The following TLE4 variants were observed in gnomAD, a reference collection of about 807,000 sequenced individuals.
The protein encoded by TLE4 is transducin-like enhancer protein 4.
Under a neutral mutation model 92.8 loss-of-function variants are expected in TLE4, and 8 were observed. That is an observed-to-expected ratio of 0.09 (90% confidence interval 0.05 to 0.16). The LOEUF (loss-of-function observed/expected upper bound fraction) is 0.16. Ranked by LOEUF, TLE4 falls within the 10% of genes least tolerant of loss-of-function variation. The pLI is 1.00. For synonymous variants in TLE4, 371 were observed against 374.1 expected, an observed-to-expected ratio of 0.99 and a Z score of 0.10; for missense variants, 675 against 997.6, an observed-to-expected ratio of 0.68 and a Z score of 4.36.
At chr9:79,648,934 G>A (rs1184478122) in intron 6 of TLE4, among the ~76,000 whole-genome samples, 2 of 152,254 alleles carry the variant, frequency 1.3e-5, no homozygotes, top group African/African-American at 2.4e-5. Flanking sequence ...GAGGAGCAAA[G>A]GAGCTAAAGG....
At chr9:79,573,812 C>T (rs2036738141) in intron 2 of TLE4, 26 bp downstream of exon 2, 2 of 1,495,462 alleles carry the variant, frequency 1.3e-6, no homozygotes, top group African/African-American at 1.4e-5. Flanking sequence ...TTAGCTGATC[C>T]TTCTGTTTGC....
chr9:79,664,155 G>A lies in TLE4; in HGVS notation c.609+10080G>A, dbSNP rs73652226. The stretch of plus-strand genomic sequence containing the variant: ...AGTCCCCAGGGCCTTGCCCTAAAGT[G>A]GATAGTGGAATGGAAAGTGAAGGGA... On this transcript the variant is annotated intron_variant, in intron 8 of 19. Transcript: ENST00000376552. Among the ~76,000 whole-genome samples the A allele has an allele frequency of 2.3e-3, 348 of 152,334 alleles. 2 individuals carry two copies. The highest frequency in any genetic ancestry group is 8.1e-3 in the African/African-American group (336 of 41,580).
intron 6 of TLE4, among the ~76,000 whole-genome samples, chr9:79,648,885 A>G (rs2058495988): frequency 6.6e-6 from 1 of 152,150 alleles, no homozygotes; most frequent in African/African-American, 2.4e-5. Flanking sequence ...TTGGAAGACA[A>G]TTGTGGGTCA....
intron 8 of TLE4, among the ~76,000 whole-genome samples, chr9:79,698,830 TTTAC>T (rs1049902712): frequency 6.6e-6 from 1 of 150,426 alleles, no homozygotes; most frequent in African/African-American, 2.4e-5. Flanking sequence ...AGGTTTTATA[TTTAC>T]TTTTTTCCAA....
intron 6 of TLE4, among the ~76,000 whole-genome samples, chr9:79,648,725 T>C (rs2058476360): frequency 6.6e-6 from 1 of 152,194 alleles, no homozygotes; most frequent in African/African-American, 2.4e-5. Flanking sequence ...ATTATCAATA[T>C]AGGATAGCAC....
At chr9:79,635,045 ACT>A (rs1483654366) in intron 6 of TLE4, among the ~76,000 whole-genome samples, 1 of 152,206 alleles carries the variant, frequency 6.6e-6, no homozygotes, top group African/African-American at 2.4e-5. Flanking sequence ...TAATTGACAT[ACT>A]GTTTCTCAGA....
chr9:79,709,611 G>C lies in TLE4; in HGVS notation c.1264-12G>C. The C allele has an allele frequency of 6.2e-7, 1 of 1,612,990 alleles. No individual in the cohort carries two copies. Among genetic ancestry groups the C allele is most frequent in the Non-Finnish European group, 8.5e-7 (1 of 1,179,390 alleles). On this transcript the variant is annotated splice_polypyrimidine_tract_variant and intron_variant, in intron 13 of 19. Transcript: ENST00000376552. ...GTGCTTATTTCTGTTGTTTGCTTGGGAAAAATTCTAGGTGGGATTTGATCC... is the reference window on the plus strand; with the variant it reads ...GTGCTTATTTCTGTTGTTTGCTTGGCAAAAATTCTAGGTGGGATTTGATCC...
chr9:79,665,847 ATT>A (rs1459139038), intron 8 of TLE4, among the ~76,000 whole-genome samples: 2 of 152,074 alleles, frequency 1.3e-5, no homozygotes, highest in Non-Finnish European at 2.9e-5. Flanking sequence ...CTCTGATGAT[ATT>A]TTCTTCTTTC....
At chr9:79,684,059 T>C (rs1282345271) in intron 8 of TLE4, among the ~76,000 whole-genome samples, 1 of 152,252 alleles carries the variant, frequency 6.6e-6, no homozygotes, top group Non-Finnish European at 1.5e-5. Context: ...ATTTCTAATA[T>C]GGATGTCTTA....
intron 6 of TLE4, among the ~76,000 whole-genome samples, chr9:79,638,777 GTTTA>G (rs1424889296): frequency 6.6e-6 from 1 of 152,176 alleles, no homozygotes; most frequent in Admixed American, 6.5e-5. Flanking sequence ...GGAAAAAACA[GTTTA>G]AGTTGAGATC....
chr9:79,679,541 G>A (rs1426497346), intron 8 of TLE4, among the ~76,000 whole-genome samples: 2 of 152,056 alleles, frequency 1.3e-5, no homozygotes, highest in African/African-American at 4.8e-5. Context: ...AGTAGGTTGA[G>A]AAAATTTTCT....
chr9:79,706,802 A>G lies in TLE4; in HGVS notation c.839A>G (p.Asp280Gly). 3 of 1,614,170 alleles carry G rather than the reference A, an allele frequency of 1.9e-6. No individual in the cohort carries two copies. The highest frequency in any genetic ancestry group is 2.5e-6 in the Non-Finnish European group (3 of 1,180,024). The change falls in exon 11 of 20, where the codon GAC becomes GGC. Residue 280 changes from aspartate to glycine, a missense_variant. Transcript: ENST00000376552. The stretch of plus-strand genomic sequence containing the variant: ...CATTCCCCCAGAGAGAATGGCCTAG[A>G]CAAGACACGCCTGCTCAAGAAAGAT... ...PAHSPRENGL[D>G]KTRLLKKDAP...
chr9:79,595,828 T>G (rs2043813459), intron 4 of TLE4, among the ~76,000 whole-genome samples: 1 of 151,684 alleles, frequency 6.6e-6, no homozygotes, highest in Admixed American at 6.6e-5. Context: ...AGAATTTTTG[T>G]TTTTCATTTT....
At chr9:79,594,916 ACT>A (rs2043576363) in intron 4 of TLE4, among the ~76,000 whole-genome samples, 1 of 152,224 alleles carries the variant, frequency 6.6e-6, no homozygotes, top group South Asian at 2.1e-4. Flanking sequence ...ACATTTTTTA[ACT>A]CTGTACTTTA....
chr9:79,675,963 G>C (rs1175820506), intron 8 of TLE4, among the ~76,000 whole-genome samples: 1 of 152,070 alleles, frequency 6.6e-6, no homozygotes, highest in Non-Finnish European at 1.5e-5. Context: ...CGTCAGGTTG[G>C]TGCTCCAAAA....
intron 8 of TLE4, among the ~76,000 whole-genome samples, chr9:79,678,628 T>TA (rs397710782): frequency 4.5e-5 from 6 of 132,614 alleles, no homozygotes; most frequent in South Asian, 5.3e-4. Flanking sequence ...CTTTTTTTTT[T>TA]ATTATTATTA....
At chr9:79,617,251 A>AT (rs899347568) in intron 5 of TLE4, among the ~76,000 whole-genome samples, 1,824 of 146,796 alleles carry the variant, frequency 0.012, 34 homozygotes, top group African/African-American at 0.039. Flanking sequence ...GAGGAAGGGA[A>AT]TTTTTTTTTT....
intron 6 of TLE4, among the ~76,000 whole-genome samples, chr9:79,632,775 T>C (rs2054646563): frequency 6.6e-6 from 1 of 152,206 alleles, no homozygotes; most frequent in Non-Finnish European, 1.5e-5. Context: ...AGCTATAAAA[T>C]AGATTTATCA....
chr9:79,668,924 A>T, intron 8 of TLE4: 4 of 733,220 alleles, frequency 5.5e-6, no homozygotes, highest in Non-Finnish European at 6.7e-6. Flanking sequence ...CATTTTATTC[A>T]TGAGGAATTA....
Sources: gnomAD v4.1 joint callset for allele counts (sites outside exome capture counted in the v4.1 genomes callset) on GRCh38, gnomAD v4.1.1 for gene constraint, MANE v1.5 for transcripts, NCBI Gene and HGNC (gene_info 2026-07-23, HGNC 2026-07-21) for gene names.